Variants in ANKRD36C observed in about 807,000 individuals in gnomAD.
ANKRD36C encodes ankyrin repeat domain 36C.
Under a neutral mutation model 276.4 loss-of-function variants are expected in ANKRD36C, and 61 were observed. The ratio of observed to expected loss-of-function variants is 0.22; its 90% CI spans 0.18 to 0.27. ANKRD36C has a LOEUF of 0.27. ANKRD36C is among the 10% of genes least tolerant of loss of function. ANKRD36C has a pLI of 1.00. For missense variants in ANKRD36C, 1,447 were observed against 2,032.3 expected (o/e 0.71, Z 5.54); for synonymous variants, 483 against 680.1 (o/e 0.71, Z 4.51).
intron 14 of ANKRD36C, among the ~76,000 whole-genome samples, chr2:95,951,707 C>T (rs1678202024): frequency 6.6e-6 from 1 of 152,312 alleles, no homozygotes; most frequent in Non-Finnish European, 1.5e-5. Flanking sequence ...CAAAAATGTA[C>T]TCATATGTAA....
rs539493499 is a variant in ANKRD36C at position 95,876,678 on chromosome 2, C to T, written c.3470-169G>A. ...CATCCTGGCTAACAAGGTGAAACCCCGTCTCTACTAAAAAATACAAAAAAT... is the reference window on the plus strand; with the variant it reads ...CATCCTGGCTAACAAGGTGAAACCCTGTCTCTACTAAAAAATACAAAAAAT... On this transcript the variant is annotated intron_variant, in intron 58 of 66. Coordinates refer to ENST00000456556, the Ensembl canonical transcript of ANKRD36C. Among the ~76,000 whole-genome samples, 109 of 150,924 alleles carry T rather than the reference C, an allele frequency of 7.2e-4. 1 individual carries two copies. The highest frequency in any genetic ancestry group is 2.5e-3 in the African/African-American group (102 of 41,234).
In ANKRD36C at chr2:95,929,275, G is replaced by A. The variant is rs1246363797; in HGVS notation, c.1736-8C>T. The A allele has an allele frequency of 1.3e-6, 2 of 1,592,260 alleles. No individual in the cohort carries two copies. Among genetic ancestry groups the A allele is most frequent in the Non-Finnish European group, 1.7e-6 (2 of 1,176,416 alleles). ...GTTGTTTCTGAGAAGACACTGAAAA[G>A]CAAAAGGGATACATAATCAATCATA... On this transcript the variant is annotated splice_region_variant and splice_polypyrimidine_tract_variant and intron_variant, in intron 24 of 66. Transcript: ENST00000456556.
intron 56 of ANKRD36C, 111 bp downstream of exon 76, chr2:95,882,191 T>C: frequency 9.3e-7 from 1 of 1,073,972 alleles, no homozygotes; most frequent in Non-Finnish European, 1.4e-6. Context: ...ATCTCAGGCC[T>C]GCTGAATCAG....
intron 28 of ANKRD36C, among the ~76,000 whole-genome samples, chr2:95,925,888 A>G (rs1287700927): frequency 1.3e-5 from 2 of 151,612 alleles, no homozygotes; most frequent in African/African-American, 2.4e-5. Flanking sequence ...AGGAATCAAT[A>G]TCAAAGAAGG....
Position 95,910,298 on chromosome 2 carries a change from C to A in ANKRD36C, c.2653+1946G>T. 2.8e-6 allele frequency: 4 copies of A among 1,444,060 alleles called. No homozygotes were observed. The Admixed American group carries it at 9.1e-5, about 33-fold the overall frequency. 89.5% of individuals were successfully genotyped at this position (1,444,060 alleles called of 1,614,324 possible). On this transcript the variant is annotated intron_variant, in intron 42 of 66. Coordinates refer to ENST00000456556, the Ensembl canonical transcript of ANKRD36C. ...GAAAGTGCAGCTTCGACGAGCCACC[C>A]GCTGCTTTATTTGGAGAAGAGAACT...
At chr2:95,917,816 TGG>T (rs1677146931) in intron 36 of ANKRD36C, 37 bp downstream of exon 38, 13 of 1,565,456 alleles carry the variant, frequency 8.3e-6, no homozygotes, top group Non-Finnish European at 1.1e-5. Context: ...CTTTTCTATC[TGG>T]ATTGAACGTG....
rs1356827837 is a variant in ANKRD36C at position 95,886,032 on chromosome 2, G to A, written c.3163+16C>T. ...TATTTGATCGAACATTACATTAAAGGTGTATTCCAAAATACCTGTCCCACG... is the reference window on the plus strand; with the variant it reads ...TATTTGATCGAACATTACATTAAAGATGTATTCCAAAATACCTGTCCCACG... On this transcript the variant is annotated intron_variant, in intron 52 of 66. Coordinates refer to ENST00000456556, the Ensembl canonical transcript of ANKRD36C. 5.0e-6 allele frequency: 8 copies of A among 1,603,826 alleles called. No homozygotes were observed. Among genetic ancestry groups the A allele is most frequent in the East Asian group, 2.2e-5 (1 of 44,552 alleles).
chr2:95,909,160 TACG>T (rs1277206602), intron 42 of ANKRD36C, among the ~76,000 whole-genome samples: 4 of 129,608 alleles, frequency 3.1e-5, no homozygotes, highest in African/African-American at 8.9e-5. Flanking sequence ...GGCACACAAT[TACG>T]ACGACAATTC....
chr2:95,890,036 T>A, intron 46 of ANKRD36C, 42 bp from the exon 67 acceptor site: 2 of 1,592,890 alleles, frequency 1.3e-6, no homozygotes, highest in Non-Finnish European at 1.7e-6. Flanking sequence ...TACGTAAATA[T>A]GATAAAGTTA....
chr2:95,983,638 T>C (rs1009673462), intron 3 of ANKRD36C, among the ~76,000 whole-genome samples: 3 of 151,640 alleles, frequency 2.0e-5, no homozygotes, highest in Non-Finnish European at 4.4e-5. Flanking sequence ...TGAGATGGAG[T>C]CTCGCTCTGT....
intron 34 of ANKRD36C, among the ~76,000 whole-genome samples, chr2:95,919,023 A>T (rs1677194153): frequency 9.6e-6 from 1 of 104,072 alleles, no homozygotes; most frequent in Admixed American, 1.1e-4. Flanking sequence ...TTTATAAGTA[A>T]AGTCAACAAA....
At chr2:95,991,390 C>G in intron 1 of ANKRD36C, 122 bp downstream of exon 1, 2 of 1,125,676 alleles carry the variant, frequency 1.8e-6, no homozygotes, top group Middle Eastern at 3.0e-4. Flanking sequence ...GCCAGGCACC[C>G]CCTAGCCCCC....
chr2:95,963,987 ATATATATATATATATATATATATATATG>A (rs1558658696), intron 6 of ANKRD36C, among the ~76,000 whole-genome samples: 18 of 13,002 alleles, frequency 1.4e-3, no homozygotes, highest in East Asian at 2.5e-3. Flanking sequence ...ATATATATAT[ATATATATATATATATATATATATATATG>A]TGTGTGTGTG....
At chr2:95,958,599 G>C (rs1201709506) in exon 12 of ANKRD36C, 3 of 1,545,492 alleles carry the variant, frequency 1.9e-6, no homozygotes, top group Non-Finnish European at 2.6e-6. Flanking sequence ...ACCTGTCCCA[G>C]ATTTTTGTTC....
chr2:95,867,192 G>A (rs1158795340), intron 60 of ANKRD36C, among the ~76,000 whole-genome samples: 1 of 152,190 alleles, frequency 6.6e-6, no homozygotes, highest in African/African-American at 2.4e-5. Context: ...TAATGGCATA[G>A]AAGAGAAGCA....
chr2:95,863,033 A>C (rs893643507), intron 60 of ANKRD36C, among the ~76,000 whole-genome samples: 2 of 151,964 alleles, frequency 1.3e-5, no homozygotes, highest in African/African-American at 4.8e-5. Context: ...CAGAAGAAAC[A>C]ATAGAAAAAA....
intron 42 of ANKRD36C, among the ~76,000 whole-genome samples, chr2:95,908,101 G>T (rs1676796301): frequency 6.6e-6 from 1 of 150,648 alleles, no homozygotes; most frequent in Non-Finnish European, 1.5e-5. Flanking sequence ...TCTCCTAACA[G>T]TGTCTACGGG....
intron 13 of ANKRD36C, among the ~76,000 whole-genome samples, 192 bp from the exon 14 acceptor site, chr2:95,954,197 A>G (rs1678274093): frequency 6.6e-6 from 1 of 152,266 alleles, no homozygotes; most frequent in South Asian, 2.1e-4. Flanking sequence ...AAAACATTTC[A>G]GTTACCTATT....
intron 44 of ANKRD36C, among the ~76,000 whole-genome samples, chr2:95,896,246 C>G (rs2104366810): frequency 6.7e-6 from 1 of 149,490 alleles, no homozygotes; most frequent in East Asian, 2.0e-4. Flanking sequence ...TTCATCCACT[C>G]TTGGCACCAA....
Sources: allele counts gnomAD v4.1 joint callset (sites outside exome capture counted in the v4.1 genomes callset), GRCh38; gene constraint gnomAD v4.1.1; transcripts MANE v1.5; gene names NCBI Gene and HGNC (gene_info 2026-07-23, HGNC 2026-07-21).